ZNF521: variants seen among roughly 807,000 people sequenced by gnomAD.
ZNF521 encodes LYST-interacting protein 3.
A neutral mutation model predicts 105.5 loss-of-function variants in ZNF521; 14 were observed. That is an observed-to-expected ratio of 0.13 (90% CI 0.09 to 0.21). The LOEUF (loss-of-function observed/expected upper bound fraction) is 0.21, where lower values mean the gene tolerates loss of function less well. ZNF521 is among the 10% of genes least tolerant of loss of function. The pLI, the probability that ZNF521 is intolerant of heterozygous loss-of-function variation, is 1.00. For missense variants in ZNF521, 1,233 were observed against 1,629.7 expected, an observed-to-expected ratio of 0.76 and a Z score of 4.19; for synonymous variants, 635 against 606.0, an observed-to-expected ratio of 1.05 and a Z score of -0.70.
chr18:25,318,999 A>G (rs1912794015), intron 3 of ZNF521, among the ~76,000 whole-genome samples: 1 of 152,072 alleles, frequency 6.6e-6, no homozygotes, highest in African/African-American at 2.4e-5. Context: ...TGATTGCAGG[A>G]CTAGGACAAG....
intron 5 of ZNF521, among the ~76,000 whole-genome samples, chr18:25,141,341 C>T (rs1400979211): frequency 6.6e-6 from 1 of 152,132 alleles, no homozygotes; most frequent in Non-Finnish European, 1.5e-5. Context: ...GGTGGTCCTG[C>T]CAAATTGTGC....
chr18:25,322,507 C>T (rs1256590898), intron 2 of ZNF521, among the ~76,000 whole-genome samples: 1 of 131,206 alleles, frequency 7.6e-6, no homozygotes, highest in Non-Finnish European at 1.6e-5. Context: ...AGAGATAAAT[C>T]ACTTTTAAAA....
intron 3 of ZNF521, chr18:25,315,809 A>G (rs970720166): frequency 1.3e-5 from 2 of 152,204 alleles, no homozygotes; most frequent in African/African-American, 4.8e-5. Flanking sequence ...AAAGTCACCA[A>G]AGGAACAGAT....
At chr18:25,117,054 TACAC>T (rs71167848) in intron 5 of ZNF521, among the ~76,000 whole-genome samples, 4 of 64,674 alleles carry the variant, frequency 6.2e-5, no homozygotes, top group Admixed American at 1.8e-4. Flanking sequence ...CACATATATA[TACAC>T]ACACACACAC....
chr18:25,233,032 T>G (rs570662260), intron 3 of ZNF521, among the ~76,000 whole-genome samples: 1 of 152,256 alleles, frequency 6.6e-6, no homozygotes, highest in Non-Finnish European at 1.5e-5. Context: ...GCACAAACAC[T>G]AAGAGAAGTC....
chr18:25,339,125 T>A (rs1914057372), intron 2 of ZNF521, among the ~76,000 whole-genome samples: 1 of 152,206 alleles, frequency 6.6e-6, no homozygotes, highest in South Asian at 2.1e-4. Flanking sequence ...AGGAATACCA[T>A]TTGTGTGAAC....
chr18:25,308,193 CAAAAAAAA>C (rs756580169), intron 3 of ZNF521, among the ~76,000 whole-genome samples: 1 of 31,100 alleles, frequency 3.2e-5, no homozygotes, highest in Non-Finnish European at 5.4e-5. Flanking sequence ...GACTGCATCT[CAAAAAAAA>C]AAAAAAAAAA....
chr18:25,101,905 G>C (rs1437434695), intron 5 of ZNF521, among the ~76,000 whole-genome samples: 1 of 152,072 alleles, frequency 6.6e-6, no homozygotes, highest in South Asian at 2.1e-4. Context: ...AGCCAACTAC[G>C]TTACCACTAT....
Position 25,227,776 on chromosome 18 carries a change from A to C in ZNF521, c.221-79T>G. 2 of 1,225,146 alleles carry C rather than the reference A, an allele frequency of 1.6e-6. No homozygotes were observed. Among genetic ancestry groups the C allele is most frequent in the Non-Finnish European group, 2.3e-6 (2 of 884,354 alleles). 75.9% of individuals were successfully genotyped at this position (1,225,146 alleles called of 1,614,324 possible). The stretch of plus-strand genomic sequence containing the variant: ...AGTTTACCGTAGCATTTCAACCAGC[A>C]CGCAGAGTTGGGCCCTCTTGAATCT... On this transcript the variant is annotated intron_variant, in intron 3 of 7. Coordinates refer to ENST00000361524, the MANE Select transcript of ZNF521 (RefSeq NM_015461.3). The surrounding 1 kb of genome is among the most constrained non-coding windows in gnomAD (Gnocchi z 5.7).
rs998799851 is a variant in ZNF521 at position 25,062,445 on chromosome 18, T to C, written c.*267A>G. 19 of 398,594 alleles carry C rather than the reference T, an allele frequency of 4.8e-5. No homozygotes were observed. Among genetic ancestry groups the C allele is most frequent in the Non-Finnish European group, 8.2e-5 (19 of 230,694 alleles). The allele number at this position is 398,594 out of a possible 1,614,324, so 24.7% of individuals were successfully genotyped here. A position where few individuals can be genotyped will look rare whatever the true frequency, so the allele number is the denominator to read the frequency against. ...GTCTTTTTTTTTTTTTAATCTTGCC[T>C]GAATAGGGCCCAAGTCCACTTGTCT... On this transcript the variant is annotated 3_prime_UTR_variant, in exon 8 of 8. Transcript: ENST00000361524.
chr18:25,266,619 G>C (rs1274175176), intron 3 of ZNF521, among the ~76,000 whole-genome samples: 3 of 152,142 alleles, frequency 2.0e-5, no homozygotes, highest in African/African-American at 4.8e-5. Flanking sequence ...GCAGGGTGGG[G>C]TGTCGCCTCA....
In ZNF521 at chr18:25,322,163, T is replaced by C. The variant is rs781381150; in HGVS notation, c.65A>G (p.Lys22Arg). Reference sequence around the variant, plus strand: ...ATCTAGTGCCTCTCCATCTTCAGTCTTGTCTTCAAGTTTACAGTTGGGGTC... The same window carrying C: ...ATCTAGTGCCTCTCCATCTTCAGTCCTGTCTTCAAGTTTACAGTTGGGGTC... The part of the protein sequence containing the change: ...LKDPNCKLED[K>R]TEDGEALDCK... The change falls in exon 3 of 8, where the codon AAG (lysine) becomes AGG (arginine). Residue 22 changes from lysine (K) to arginine (R), a missense_variant. Physicochemically the swap from Lys to Arg is conservative, Grantham distance 26. Transcript: ENST00000361524. 1 of 1,614,200 alleles carries C rather than the reference T, an allele frequency of 6.2e-7. No individual in the cohort carries two copies. The highest frequency in any genetic ancestry group is 8.5e-7 in the Non-Finnish European group (1 of 1,180,034).
At chr18:25,125,960 A>G (rs2034531937) in intron 5 of ZNF521, among the ~76,000 whole-genome samples, 1 of 151,986 alleles carries the variant, frequency 6.6e-6, no homozygotes, top group Admixed American at 6.6e-5. Flanking sequence ...GCGTCAGAAT[A>G]TTTGTGCACC....
At chr18:25,091,338 T>C (rs2033740663) in intron 6 of ZNF521, among the ~76,000 whole-genome samples, 1 of 152,202 alleles carries the variant, frequency 6.6e-6, no homozygotes, top group Admixed American at 6.5e-5. Context: ...ATTTACTTTT[T>C]TTTTTCTGCT....
chr18:25,265,614 TACA>T (rs973343652), intron 3 of ZNF521, among the ~76,000 whole-genome samples: 4 of 152,164 alleles, frequency 2.6e-5, no homozygotes, highest in African/African-American at 9.7e-5. Context: ...AATCTGTTAG[TACA>T]ACAACTACAG....
chr18:25,290,565 T>C (rs1054024966), intron 3 of ZNF521, among the ~76,000 whole-genome samples: 2 of 151,956 alleles, frequency 1.3e-5, no homozygotes, highest in Non-Finnish European at 2.9e-5. Flanking sequence ...TCTACTTCTA[T>C]TGAAGTAGAA....
chr18:25,227,468 G>A lies in ZNF521; in HGVS notation c.450C>T (p.Tyr150=), dbSNP rs1295645855. ...GCTTGTGTTTGAACAGCCTACTGCA[G>A]TAGGTGCATTTGAAAGGCAGTTTGT... ...HSDKLPFKCT[Y]CSRLFKHKRS... Residue 150 remains tyrosine (Y), a synonymous_variant, in exon 4 of 8, where the codon TAC becomes TAT. Coordinates refer to ENST00000361524, the MANE Select transcript of ZNF521 (RefSeq NM_015461.3). The surrounding 1 kb of genome is among the most constrained non-coding windows in gnomAD (Gnocchi z 5.7). 8 of 1,614,032 alleles carry A rather than the reference G, an allele frequency of 5.0e-6. No homozygotes were observed. The highest frequency in any genetic ancestry group is 1.6e-4 in the Middle Eastern group (1 of 6,084).
At chr18:25,299,798 T>A (rs534591595) in intron 3 of ZNF521, among the ~76,000 whole-genome samples, 28 of 152,302 alleles carry the variant, frequency 1.8e-4, no homozygotes, top group East Asian at 5.8e-4. Context: ...CTTAAAAGCA[T>A]AAGATCAATT....
At chr18:25,103,428 T>C (rs181669022) in intron 5 of ZNF521, among the ~76,000 whole-genome samples, 1 of 152,310 alleles carries the variant, frequency 6.6e-6, no homozygotes. Flanking sequence ...CTTCTTCAAG[T>C]ACCTGGATCA....
Sources: allele counts gnomAD v4.1 joint callset (sites outside exome capture counted in the v4.1 genomes callset), GRCh38; gene constraint gnomAD v4.1.1; non-coding constraint Gnocchi (gnomAD v3.1); transcripts MANE v1.5; gene names NCBI Gene and HGNC (gene_info 2026-07-23, HGNC 2026-07-21).